Variants in TSHZ1 observed in about 807,000 individuals in gnomAD.
TSHZ1 encodes the protein teashirt homolog 1.
In TSHZ1, 12 loss-of-function variants were observed where a neutral mutation model predicts 67.1. That is an observed-to-expected ratio of 0.18 (90% CI 0.11 to 0.29). The LOEUF (loss-of-function observed/expected upper bound fraction) is 0.29, where lower values mean the gene tolerates loss of function less well. TSHZ1 is among the 10% of genes least tolerant of loss of function. TSHZ1 has a pLI of 1.00. For missense variants in TSHZ1, 1,305 were observed against 1,413.9 expected (o/e 0.92, Z 1.23); for synonymous variants, 632 against 622.4 (o/e 1.02, Z -0.23).
intron 1 of TSHZ1, chr18:75,284,994 A>G (rs1239058974): frequency 6.5e-6 from 1 of 153,750 alleles, no homozygotes; most frequent in Non-Finnish European, 1.4e-5. Context: ...ACTTATGGAA[A>G]CGATATACTG....
chr18:75,238,475 T>A (rs9945965), intron 1 of TSHZ1, among the ~76,000 whole-genome samples: 1,827 of 152,162 alleles, frequency 0.012, 35 homozygotes, highest in African/African-American at 0.039. Flanking sequence ...ATGGATGATA[T>A]CTGGTTTGTT....
At chr18:75,237,423 G>A (rs113523045) in intron 1 of TSHZ1, among the ~76,000 whole-genome samples, 3,398 of 152,270 alleles carry the variant, frequency 0.022, 62 homozygotes, top group Non-Finnish European at 0.034. Flanking sequence ...TCAGGAGGCT[G>A]AGGTGGGAGG....
intron 1 of TSHZ1, among the ~76,000 whole-genome samples, chr18:75,250,508 C>T (rs538790734): frequency 2.0e-5 from 3 of 152,180 alleles, no homozygotes; most frequent in East Asian, 3.9e-4. Flanking sequence ...GTGGACGGGG[C>T]GGTGCGGGCT....
chr18:75,279,988 T>A (rs1396919911), intron 1 of TSHZ1, among the ~76,000 whole-genome samples: 1 of 152,256 alleles, frequency 6.6e-6, no homozygotes, highest in Non-Finnish European at 1.5e-5. Flanking sequence ...CTTCATTCAA[T>A]GATAAATAAC....
chr18:75,261,031 G>A (rs868581093), intron 1 of TSHZ1, among the ~76,000 whole-genome samples: 53 of 152,112 alleles, frequency 3.5e-4, no homozygotes, highest in African/African-American at 1.1e-3. Flanking sequence ...GGCTTCCCCC[G>A]GGAGTGAAAC....
At chr18:75,266,758 C>T (rs768682918) in intron 1 of TSHZ1, among the ~76,000 whole-genome samples, 1 of 152,178 alleles carries the variant, frequency 6.6e-6, no homozygotes, top group Admixed American at 6.5e-5. Flanking sequence ...TGAGTCCTGG[C>T]GGGGACTCCC....
chr18:75,240,632 GT>G (rs1212879694), intron 1 of TSHZ1, among the ~76,000 whole-genome samples: 4 of 152,178 alleles, frequency 2.6e-5, no homozygotes, highest in Non-Finnish European at 5.9e-5. Context: ...ACAAGTTCCT[GT>G]TTTGACATTG....
At chr18:75,282,477 C>G (rs145142155) in intron 1 of TSHZ1, among the ~76,000 whole-genome samples, 1 of 152,174 alleles carries the variant, frequency 6.6e-6, no homozygotes, top group East Asian at 1.9e-4. Flanking sequence ...CCCCGTCATT[C>G]ATATGTGGAA....
intron 1 of TSHZ1, chr18:75,280,702 G>A: frequency 1.0e-6 from 1 of 970,086 alleles, no homozygotes; most frequent in South Asian, 4.8e-5. Flanking sequence ...TAGCTTAAAG[G>A]GTTGTGAGAT....
chr18:75,246,842 GGCT>G (rs2023230761), intron 1 of TSHZ1, among the ~76,000 whole-genome samples: 2 of 151,306 alleles, frequency 1.3e-5, no homozygotes, highest in South Asian at 4.2e-4. Flanking sequence ...AACTTCTGAA[GGCT>G]GCTATCAAGT....
At chr18:75,247,279 G>A (rs2023235791) in intron 1 of TSHZ1, among the ~76,000 whole-genome samples, 1 of 152,202 alleles carries the variant, frequency 6.6e-6, no homozygotes, top group Non-Finnish European at 1.5e-5. Context: ...CTGAGGCGGT[G>A]GGCCTGCTGC....
intron 1 of TSHZ1, among the ~76,000 whole-genome samples, chr18:75,258,443 T>C (rs1196179848): frequency 6.6e-6 from 1 of 152,236 alleles, no homozygotes; most frequent in African/African-American, 2.4e-5. Flanking sequence ...ATAGCTTCTT[T>C]GTAAAGTTGC....
At chr18:75,234,641 A>G (rs2023043972) in intron 1 of TSHZ1, among the ~76,000 whole-genome samples, 1 of 151,682 alleles carries the variant, frequency 6.6e-6, no homozygotes, top group Non-Finnish European at 1.5e-5. Flanking sequence ...GATGGTCTTC[A>G]TTATTGTGTT....
At chr18:75,238,004 G>A (rs963507534) in intron 1 of TSHZ1, among the ~76,000 whole-genome samples, 2 of 152,068 alleles carry the variant, frequency 1.3e-5, no homozygotes, top group African/African-American at 2.4e-5. Context: ...TAGAGACGGG[G>A]TTTCTCCATG....
chr18:75,256,649 A>G (rs576575587), intron 1 of TSHZ1, among the ~76,000 whole-genome samples: 1 of 152,334 alleles, frequency 6.6e-6, no homozygotes, highest in South Asian at 2.1e-4. Flanking sequence ...ATAGTGATTC[A>G]TGAATTAGAT....
chr18:75,285,580 G>A lies in TSHZ1; in HGVS notation c.173G>A (p.Ser58Asn). 1 of 1,603,194 alleles carries A rather than the reference G, an allele frequency of 6.2e-7. No homozygotes were observed. The highest frequency in any genetic ancestry group is 8.5e-7 in the Non-Finnish European group (1 of 1,171,784). ...GAGACGGAGATCAAAGAGGCGCAGA[G>A]CTACCAGAACTCCCCAGTCAGCTCT... Reference protein sequence around the residue: ...NEETEIKEAQSYQNSPVSSAT... With the variant: ...NEETEIKEAQNYQNSPVSSAT... The change falls in exon 2 of 2, where the codon AGC (serine) becomes AAC (asparagine). Residue 58 changes from serine to asparagine, a missense_variant. Physicochemically the swap from Ser to Asn is conservative, Grantham distance 46 (BLOSUM62 1). Coordinates refer to ENST00000580243, the MANE Select transcript of TSHZ1 (RefSeq NM_001308210.2).
intron 1 of TSHZ1, among the ~76,000 whole-genome samples, 186 bp downstream of exon 1, chr18:75,212,102 G>A (rs994242141): frequency 6.6e-6 from 1 of 152,094 alleles, no homozygotes; most frequent in Non-Finnish European, 1.5e-5. Flanking sequence ...CCCCCAACCT[G>A]GGCCGGCGCG....
At chr18:75,256,165 A>G (rs1305519982) in intron 1 of TSHZ1, among the ~76,000 whole-genome samples, 3 of 152,238 alleles carry the variant, frequency 2.0e-5, no homozygotes, top group Non-Finnish European at 4.4e-5. Context: ...AAGGAGTATG[A>G]CTTCTTTAAG....
Position 75,278,353 on chromosome 18 carries a change from C to A in TSHZ1, c.41-7095C>A, listed in dbSNP as rs936375535. 2.6e-4 allele frequency among the ~76,000 whole-genome samples: 40 copies of A among 152,208 alleles called. 1 individual carries two copies. The highest frequency in any genetic ancestry group is 9.2e-4 in the African/African-American group (38 of 41,436). On this transcript the variant is annotated intron_variant, in intron 1 of 1. Coordinates refer to ENST00000580243, the MANE Select transcript of TSHZ1 (RefSeq NM_001308210.2). ...CCAAGCACTCCTTCCTTGCCTAGTA[C>A]GGAGGCCAAGGTGCTGGGTTGCTCC...
Sources: allele counts gnomAD v4.1 joint callset (sites outside exome capture counted in the v4.1 genomes callset), GRCh38; gene constraint gnomAD v4.1.1; transcripts MANE v1.5; gene names NCBI Gene and HGNC (gene_info 2026-07-23, HGNC 2026-07-21).